PCDH9: variants seen among roughly 807,000 people sequenced by gnomAD.
PCDH9 encodes protocadherin 9, also known as protocadherin-9.
PCDH9 carries 24 observed loss-of-function variants against 70.6 expected under a neutral mutation model. The observed-to-expected ratio is 0.34, with a 90% CI of 0.25 to 0.48. The LOEUF is 0.48. Among genes scored for constraint, PCDH9 ranks in the 20% least tolerant of loss-of-function variants. The pLI is 0.99. For missense variants in PCDH9, 1,281 were observed against 1,503.6 expected (o/e 0.85, Z 2.45); for synonymous variants, 562 against 558.5 (o/e 1.01, Z -0.09).
chr13:66,395,269 C>T (rs921315171), intron 4 of PCDH9, among the ~76,000 whole-genome samples: 1 of 152,140 alleles, frequency 6.6e-6, no homozygotes, highest in Non-Finnish European at 1.5e-5. Flanking sequence ...AAATCTTCTG[C>T]TCCCTTGAAG....
intron 4 of PCDH9, among the ~76,000 whole-genome samples, chr13:66,446,800 A>T (rs1248878835): frequency 6.6e-6 from 1 of 152,122 alleles, no homozygotes; most frequent in Non-Finnish European, 1.5e-5. Context: ...TAAAAAAAAT[A>T]GAATTTCTTA....
intron 4 of PCDH9, among the ~76,000 whole-genome samples, chr13:66,453,439 T>C (rs1328828317): frequency 6.6e-6 from 1 of 152,202 alleles, no homozygotes; most frequent in African/African-American, 2.4e-5. Flanking sequence ...TATTGTTCCC[T>C]AATATTTTCT....
chr13:66,434,692 A>G (rs2138384423), intron 4 of PCDH9, among the ~76,000 whole-genome samples: 1 of 152,166 alleles, frequency 6.6e-6, no homozygotes, highest in African/African-American at 2.4e-5. Flanking sequence ...CACACATATA[A>G]GCTGAAAATT....
chr13:66,611,118 A>G (rs1050891648), intron 4 of PCDH9, among the ~76,000 whole-genome samples: 2 of 152,230 alleles, frequency 1.3e-5, no homozygotes, highest in Non-Finnish European at 2.9e-5. Flanking sequence ...AAAAACATGA[A>G]AAAATAATCA....
chr13:66,806,620 C>T (rs1185512681), intron 3 of PCDH9, among the ~76,000 whole-genome samples: 3 of 152,148 alleles, frequency 2.0e-5, no homozygotes, highest in Non-Finnish European at 4.4e-5. Context: ...TTAGCAGCAT[C>T]GTTTCTGGGT....
At chr13:66,745,277 A>T (rs771312781) in intron 3 of PCDH9, among the ~76,000 whole-genome samples, 1 of 152,186 alleles carries the variant, frequency 6.6e-6, no homozygotes, top group African/African-American at 2.4e-5. Flanking sequence ...TACCTGTAGA[A>T]ATTCACAAGT....
At chr13:67,158,709 A>G (rs1470787723) in intron 2 of PCDH9, among the ~76,000 whole-genome samples, 1 of 152,176 alleles carries the variant, frequency 6.6e-6, no homozygotes, top group African/African-American at 2.4e-5. Context: ...CACCCACTCT[A>G]TGATGTTCTG....
At chr13:66,449,893 G>A (rs1398133570) in intron 4 of PCDH9, among the ~76,000 whole-genome samples, 2 of 152,058 alleles carry the variant, frequency 1.3e-5, no homozygotes, top group East Asian at 3.9e-4. Flanking sequence ...AATTGTATGT[G>A]AGAGACCTTT....
intron 3 of PCDH9, among the ~76,000 whole-genome samples, chr13:66,677,455 C>T (rs1328442049): frequency 2.0e-5 from 3 of 151,842 alleles, no homozygotes; most frequent in Non-Finnish European, 4.4e-5. Flanking sequence ...TTGTCCCCAC[C>T]CAAATCTCAT....
intron 3 of PCDH9, among the ~76,000 whole-genome samples, chr13:66,851,592 C>T (rs2081315860): frequency 6.6e-6 from 1 of 151,812 alleles, no homozygotes; most frequent in African/African-American, 2.4e-5. Flanking sequence ...CACACACACA[C>T]ACACACACAC....
chr13:66,765,066 C>T (rs2079692271), intron 3 of PCDH9, among the ~76,000 whole-genome samples: 1 of 120,810 alleles, frequency 8.3e-6, no homozygotes, highest in South Asian at 3.2e-4. Context: ...CTCTGTCTGT[C>T]TCTGCCTCTG....
intron 2 of PCDH9, among the ~76,000 whole-genome samples, chr13:67,116,207 G>C (rs1358336521): frequency 6.6e-6 from 1 of 152,094 alleles, no homozygotes. Flanking sequence ...TGTTAACATT[G>C]ATCACAACAT....
intron 3 of PCDH9, among the ~76,000 whole-genome samples, chr13:66,802,721 T>C (rs969140526): frequency 6.6e-6 from 1 of 152,136 alleles, no homozygotes; most frequent in Non-Finnish European, 1.5e-5. Flanking sequence ...ATGTTTTTTA[T>C]ATAGCATTGC....
At chr13:67,144,363 A>T (rs2087470112) in intron 2 of PCDH9, among the ~76,000 whole-genome samples, 1 of 152,162 alleles carries the variant, frequency 6.6e-6, no homozygotes, top group Non-Finnish European at 1.5e-5. Context: ...ATTAATAGTG[A>T]TCATGTAAGA....
At chr13:66,775,155 T>TA (rs1379524808) in intron 3 of PCDH9, among the ~76,000 whole-genome samples, 1 of 152,210 alleles carries the variant, frequency 6.6e-6, no homozygotes, top group African/African-American at 2.4e-5. Context: ...GTTTGCTTTT[T>TA]AAAAAGTATC....
Position 66,730,522 on chromosome 13 carries a change from G to A in PCDH9, c.3139-99111C>T, listed in dbSNP as rs558648473. Among the ~76,000 whole-genome samples the A allele has an allele frequency of 1.7e-4, 26 of 151,878 alleles. No homozygotes were observed. The South Asian group carries it at 5.4e-3, about 32-fold the overall frequency. On this transcript the variant is annotated intron_variant, in intron 3 of 4. Transcript: ENST00000377865. ...TATTCCTTTAATATAGACTCCCAGG[G>A]CACCATGTACCAGTCATCACAGTCA...
rs185263658 is a variant in PCDH9 at position 67,129,105 on chromosome 13, C to T, written c.3036+96300G>A. ...AATTTGTTGTAACATTACTACTTATCGGCATTCTTGTTATATTTCTGTTTT... is the reference window on the plus strand; with the variant it reads ...AATTTGTTGTAACATTACTACTTATTGGCATTCTTGTTATATTTCTGTTTT... On this transcript the variant is annotated intron_variant, in intron 2 of 4. Transcript: ENST00000377865. 3.2e-4 allele frequency among the ~76,000 whole-genome samples: 48 copies of T among 152,192 alleles called. No individual in the cohort carries two copies. In the East Asian group the frequency reaches 6.6e-3, roughly 21 times the overall value.
rs67211029 is a variant in PCDH9 at position 66,824,651 on chromosome 13, GATATATATATATATATATATATATAT to G, written c.3138+78827_3138+78852del. 3.3e-4 allele frequency among the ~76,000 whole-genome samples: 33 copies of G among 99,074 alleles called. 1 individual carries two copies. The East Asian group carries it at 4.3e-3, about 13-fold the overall frequency. The allele number at this position is 99,074 out of a possible 152,430, so 65.0% of individuals were successfully genotyped here. On this transcript the variant is annotated intron_variant, in intron 3 of 4. Transcript: ENST00000377865. ...ACCTGGGCAACAAGAGCGAAACTCT[GATATATATATATATATATATATATAT>G]ATATATATATATATATATATGCACA...
At chr13:66,440,581 T>C (rs1334394) in intron 4 of PCDH9, among the ~76,000 whole-genome samples, 146,342 of 152,074 alleles carry the variant, frequency 0.96, 70,645 homozygotes, top group East Asian at 1. Flanking sequence ...ATCATTAGGT[T>C]TAATTTGTAG....
Sources: gnomAD v4.1 joint callset for allele counts (sites outside exome capture counted in the v4.1 genomes callset) on GRCh38, gnomAD v4.1.1 for gene constraint, MANE v1.5 for transcripts, NCBI Gene and HGNC (gene_info 2026-07-23, HGNC 2026-07-21) for gene names.